The following PTPRD variants were observed in gnomAD, a reference collection of about 807,000 sequenced individuals.
PTPRD encodes the protein receptor-type tyrosine-protein phosphatase delta.
Under a neutral mutation model 214.5 loss-of-function variants are expected in PTPRD, and 34 were observed. The ratio of observed to expected loss-of-function variants is 0.16; its 90% CI spans 0.12 to 0.21. The LOEUF is 0.21. PTPRD is among the 10% of genes least tolerant of loss of function. The pLI, the probability that PTPRD is intolerant of heterozygous loss-of-function variation, is 1.00. For synonymous variants in PTPRD, 1,128 were observed against 845.7 expected, an observed-to-expected ratio of 1.33 and a Z score of -5.79; for missense variants, 2,545 against 2,398.7, an observed-to-expected ratio of 1.06 and a Z score of -1.27.
chr9:8,427,346 G>GGACA (rs1451329800), intron 35 of PTPRD, among the ~76,000 whole-genome samples: 12 of 152,112 alleles, frequency 7.9e-5, no homozygotes, highest in African/African-American at 2.9e-4. Context: ...CTTTACAGCA[G>GGACA]GACACTCTTT....
chr9:9,651,822 GTTTGTTTT>G (rs1176423634), intron 7 of PTPRD, among the ~76,000 whole-genome samples: 14 of 92,618 alleles, frequency 1.5e-4, no homozygotes, highest in African/African-American at 4.8e-4. Context: ...TTTATTCAAG[GTTTGTTTT>G]TTTTTTTTTT....
intron 2 of PTPRD, among the ~76,000 whole-genome samples, chr9:10,583,348 T>A (rs1253944545): frequency 6.6e-6 from 1 of 151,968 alleles, no homozygotes; most frequent in East Asian, 1.9e-4. Flanking sequence ...GAGTCTTTTT[T>A]TTTTCAGTCA....
intron 2 of PTPRD, among the ~76,000 whole-genome samples, chr9:10,466,753 A>G (rs995469598): frequency 2.0e-5 from 3 of 152,178 alleles, no homozygotes; most frequent in Admixed American, 6.6e-5. Flanking sequence ...ATAAAGTTTA[A>G]AAAATGGTAA....
At chr9:9,408,224 A>C (rs757895685) in intron 8 of PTPRD, among the ~76,000 whole-genome samples, 8 of 151,848 alleles carry the variant, frequency 5.3e-5, no homozygotes, top group Non-Finnish European at 1.2e-4. Flanking sequence ...ACAGCAAAGG[A>C]AATTATTATA....
intron 9 of PTPRD, among the ~76,000 whole-genome samples, chr9:9,324,147 C>A (rs1213396931): frequency 6.6e-6 from 1 of 152,186 alleles, no homozygotes; most frequent in African/African-American, 2.4e-5. Flanking sequence ...TTGCAATAAA[C>A]ATACGTGTGC....
chr9:8,485,831 C>A lies in PTPRD; in HGVS notation c.2986G>T (p.Ala996Ser), dbSNP rs776460073. ...GGCCCGGGCCCTTTGCTCGTATGAGCACGTACTTTTACATCGTATGTGGTA... is the reference window on the plus strand; with the variant it reads ...GGCCCGGGCCCTTTGCTCGTATGAGAACGTACTTTTACATCGTATGTGGTA... ...PDTTYDVKVR[A>S]HTSKGPGPYS... is the part of the protein sequence containing the mutation. The change falls in exon 28 of 46, where the codon GCT becomes TCT. Residue 996 changes from alanine (A) to serine (S), a missense_variant. By Grantham distance (99) the Ala-to-Ser change is moderately conservative (BLOSUM62 1). Coordinates refer to ENST00000381196, the MANE Select transcript of PTPRD (RefSeq NM_002839.4). 1 of 1,614,112 alleles carries A rather than the reference C, an allele frequency of 6.2e-7. No homozygotes were observed. Among genetic ancestry groups the A allele is most frequent in the East Asian group, 2.2e-5 (1 of 44,866 alleles).
chr9:8,910,258 C>T (rs146361869), intron 11 of PTPRD, among the ~76,000 whole-genome samples: 6 of 151,820 alleles, frequency 4.0e-5, no homozygotes, highest in South Asian at 2.1e-4. Context: ...AGGATGGTCT[C>T]GATCTCCTGA....
chr9:9,125,686 A>T (rs903998679), intron 10 of PTPRD, among the ~76,000 whole-genome samples: 6 of 152,204 alleles, frequency 3.9e-5, no homozygotes, highest in African/African-American at 1.4e-4. Context: ...AATTCAGCTA[A>T]TATTTACTGA....
chr9:9,103,369 C>CT (rs1159063887), intron 10 of PTPRD, among the ~76,000 whole-genome samples: 1 of 151,486 alleles, frequency 6.6e-6, no homozygotes, highest in Non-Finnish European at 1.5e-5. Context: ...AGCCAAATGT[C>CT]TTTTTTAAAA....
intron 8 of PTPRD, among the ~76,000 whole-genome samples, chr9:9,488,933 T>C (rs528696032): frequency 2.0e-5 from 3 of 152,230 alleles, no homozygotes; most frequent in South Asian, 2.1e-4. Context: ...TTTGCTTGGA[T>C]TGCTGATTGC....
intron 11 of PTPRD, among the ~76,000 whole-genome samples, chr9:8,799,179 ATAAATGCATGTATTTATT>A (rs2096517727): frequency 6.6e-6 from 1 of 152,214 alleles, no homozygotes; most frequent in Admixed American, 6.5e-5. Flanking sequence ...CTGTTTTAAA[ATAAATGCATGTATTTATT>A]TACACAGATA....
chr9:8,824,989 AT>A (rs2097147388), intron 11 of PTPRD, among the ~76,000 whole-genome samples: 1 of 152,128 alleles, frequency 6.6e-6, no homozygotes, highest in Non-Finnish European at 1.5e-5. Flanking sequence ...AAGAATAATT[AT>A]TTTTTACATA....
chr9:8,803,520 T>G (rs1005025471), intron 11 of PTPRD, among the ~76,000 whole-genome samples: 1 of 152,120 alleles, frequency 6.6e-6, no homozygotes, highest in Non-Finnish European at 1.5e-5. Context: ...CTTACATTTA[T>G]ATTATAAAAA....
chr9:9,918,207 G>A (rs1221746400), intron 5 of PTPRD, among the ~76,000 whole-genome samples: 2 of 151,558 alleles, frequency 1.3e-5, no homozygotes, highest in Non-Finnish European at 2.9e-5. Context: ...CAAGGTTGCA[G>A]AATATAAAAA....
chr9:10,385,064 T>C (rs894797826), intron 2 of PTPRD, among the ~76,000 whole-genome samples: 1 of 151,852 alleles, frequency 6.6e-6, no homozygotes, highest in African/African-American at 2.4e-5. Context: ...TTACGGGTTA[T>C]TTTTCAATTT....
At chr9:9,748,172 T>G (rs2761706) in intron 6 of PTPRD, among the ~76,000 whole-genome samples, 80,257 of 152,030 alleles carry the variant, frequency 0.53, 24,468 homozygotes, top group African/African-American at 0.83. Context: ...TTTTCTGAAC[T>G]TGGTGCATAT....
chr9:10,161,109 T>C lies in PTPRD; in HGVS notation c.-544-127319A>G, dbSNP rs143532553. ...AAAAGATATTTCATGTTCATGAACTTGAAGAATATTGTTAAAATGACAATA... is the reference window on the plus strand; with the variant it reads ...AAAAGATATTTCATGTTCATGAACTCGAAGAATATTGTTAAAATGACAATA... On this transcript the variant is annotated intron_variant, in intron 3 of 45. Coordinates refer to ENST00000381196, the MANE Select transcript of PTPRD (RefSeq NM_002839.4). 8.0e-4 allele frequency among the ~76,000 whole-genome samples: 121 copies of C among 151,948 alleles called. 2 individuals are homozygous for C. The East Asian group carries it at 0.022, about 28-fold the overall frequency.
intron 9 of PTPRD, among the ~76,000 whole-genome samples, chr9:9,369,280 G>C (rs1411474335): frequency 2.6e-5 from 4 of 152,060 alleles, no homozygotes; most frequent in African/African-American, 7.2e-5. Context: ...GTTGTTTCCT[G>C]ACTTTTTAAT....
intron 14 of PTPRD, among the ~76,000 whole-genome samples, chr9:8,565,149 C>T (rs534331739): frequency 6.6e-6 from 1 of 151,680 alleles, no homozygotes. Flanking sequence ...AAGCTAACCG[C>T]AGTGGTTTTG....
Sources: gnomAD v4.1 joint callset for allele counts (sites outside exome capture counted in the v4.1 genomes callset) on GRCh38, gnomAD v4.1.1 for gene constraint, MANE v1.5 for transcripts, NCBI Gene and HGNC (gene_info 2026-07-23, HGNC 2026-07-21) for gene names.